Variants in NXPE2 observed in about 807,000 individuals in gnomAD.
The protein encoded by NXPE2 is NXPE family member 2.
NXPE2 carries 34 observed loss-of-function variants against 34.4 expected under a neutral mutation model. The observed-to-expected ratio is 0.99, with a 90% confidence interval of 0.75 to 1.31. The LOEUF (loss-of-function observed/expected upper bound fraction) is 1.31. NXPE2 is among the 40% of genes most tolerant of loss of function. NXPE2 has a pLI of 0.00. For synonymous variants in NXPE2, 235 were observed against 231.3 expected (o/e 1.02, Z -0.15); for missense variants, 649 against 672.5 (o/e 0.97, Z 0.39).
the NXPE2 span, among the ~76,000 whole-genome samples, chr11:114,783,295 C>A: frequency 6.6e-6 from 1 of 152,170 alleles, no homozygotes; most frequent in African/African-American, 2.4e-5. Flanking sequence ...TCAAGAGACA[C>A]CAAGAACATT....
chr11:114,746,146 G>C, the NXPE2 span, among the ~76,000 whole-genome samples: 3 of 152,026 alleles, frequency 2.0e-5, no homozygotes, highest in Admixed American at 6.5e-5. Flanking sequence ...TGTTTGACCA[G>C]AATCTATCTT....
At chr11:114,641,300 TA>T in the NXPE2 span, among the ~76,000 whole-genome samples, 3 of 151,884 alleles carry the variant, frequency 2.0e-5, no homozygotes, top group African/African-American at 7.2e-5. Flanking sequence ...AAAGGTAGTG[TA>T]AAAAATCCAG....
the NXPE2 span, among the ~76,000 whole-genome samples, chr11:114,633,150 A>G: frequency 1.6e-5 from 2 of 123,994 alleles, no homozygotes; most frequent in African/African-American, 6.4e-5. Flanking sequence ...TATTTTATAT[A>G]TTTGGTATTT....
the NXPE2 span, among the ~76,000 whole-genome samples, chr11:114,464,732 A>C: frequency 2.0e-5 from 3 of 152,204 alleles, no homozygotes; most frequent in Non-Finnish European, 2.9e-5. Flanking sequence ...CATTAATATG[A>C]AGAATTTCTT....
chr11:114,791,906 A>C, the NXPE2 span, among the ~76,000 whole-genome samples: 1 of 152,094 alleles, frequency 6.6e-6, no homozygotes, highest in Non-Finnish European at 1.5e-5. Flanking sequence ...AAAATACAAA[A>C]AATTAGCCGG....
the NXPE2 span, among the ~76,000 whole-genome samples, chr11:114,724,408 C>T: frequency 1.3e-5 from 2 of 152,300 alleles, no homozygotes; most frequent in East Asian, 3.9e-4. Flanking sequence ...ATGATATTCA[C>T]TTCTGTCCTA....
chr11:114,791,101 G>A, the NXPE2 span, among the ~76,000 whole-genome samples: 4 of 151,428 alleles, frequency 2.6e-5, no homozygotes, highest in African/African-American at 9.7e-5. Flanking sequence ...GAGTGACAGC[G>A]AAGACACCTC....
At chr11:114,711,566 G>A (rs1448937073), downstream of NXPE2, among the ~76,000 whole-genome samples, 3 of 152,098 alleles carry the variant, frequency 2.0e-5, no homozygotes, top group Non-Finnish European at 4.4e-5. Flanking sequence ...TAATTAAGGA[G>A]ATGAAAGACC....
chr11:114,604,543 C>G, the NXPE2 span, among the ~76,000 whole-genome samples: 1 of 151,934 alleles, frequency 6.6e-6, no homozygotes, highest in Non-Finnish European at 1.5e-5. Context: ...TAAGTATTTC[C>G]TTGTGGATAA....
chr11:114,645,223 C>A, the NXPE2 span, among the ~76,000 whole-genome samples: 1,698 of 152,130 alleles, frequency 0.011, 32 homozygotes, highest in African/African-American at 0.038. Flanking sequence ...ATCACTTGAA[C>A]CCGAGAGGCA....
chr11:114,767,994 A>T, the NXPE2 span, among the ~76,000 whole-genome samples: 1 of 152,136 alleles, frequency 6.6e-6, no homozygotes, highest in African/African-American at 2.4e-5. Flanking sequence ...AAAATGATGG[A>T]GTGGTGAGAA....
chr11:114,551,251 A>T, the NXPE2 span: 1 of 1,366,920 alleles, frequency 7.3e-7, no homozygotes, highest in Non-Finnish European at 1.0e-6. Context: ...TGAGAAGTGA[A>T]TCTCTCTGTA....
At chr11:114,602,664 A>T in the NXPE2 span, among the ~76,000 whole-genome samples, 23 of 142,142 alleles carry the variant, frequency 1.6e-4, no homozygotes, top group Non-Finnish European at 2.4e-4. Flanking sequence ...CATATATAAT[A>T]ATTACAGAAT....
the NXPE2 span, among the ~76,000 whole-genome samples, chr11:114,630,552 C>A: frequency 1.3e-5 from 2 of 151,604 alleles, no homozygotes; most frequent in African/African-American, 4.9e-5. Context: ...AAACGTTAGA[C>A]CTAAAACCAT....
chr11:114,632,044 T>G, the NXPE2 span, among the ~76,000 whole-genome samples: 2 of 144,822 alleles, frequency 1.4e-5, no homozygotes, highest in African/African-American at 5.0e-5. Context: ...ATATAATATA[T>G]AATTTAATAA....
chr11:114,754,725 G>T, the NXPE2 span, among the ~76,000 whole-genome samples: 1 of 152,124 alleles, frequency 6.6e-6, no homozygotes, highest in Non-Finnish European at 1.5e-5. Flanking sequence ...GGGTATAACT[G>T]GTACATATGC....
the NXPE2 span, among the ~76,000 whole-genome samples, chr11:114,634,028 G>T: frequency 6.6e-6 from 1 of 151,774 alleles, no homozygotes; most frequent in African/African-American, 2.4e-5. Context: ...GATCCCTGAG[G>T]ATTCGCCACA....
chr11:114,567,274 C>G, the NXPE2 span, among the ~76,000 whole-genome samples: 4 of 152,104 alleles, frequency 2.6e-5, no homozygotes, highest in African/African-American at 9.7e-5. Flanking sequence ...ATTCCCCATG[C>G]AGGCCCCCTG....
chr11:114,698,575 C>T lies in NXPE2; in HGVS notation c.663C>T (p.Ala221=), dbSNP rs776818725. The T allele has an allele frequency of 2.5e-6, 4 of 1,614,166 alleles. No homozygotes were observed. Among genetic ancestry groups the T allele is most frequent in the Admixed American group, 3.3e-5 (2 of 60,022 alleles). Residue 221 remains alanine, a synonymous_variant, in exon 3 of 6, where the codon GCC becomes GCT. Coordinates refer to ENST00000389586, the MANE Select transcript of NXPE2 (RefSeq NM_182495.6). ...CDRIIFTGLF[A]NRSSNVFTEC... is the part of the protein sequence containing the mutation. ...GGATCATCTTCACTGGCCTGTTTGC[C>T]AACAGAAGCTCCAATGTCTTCACTG...
Sources: gnomAD v4.1 joint callset for allele counts (sites outside exome capture counted in the v4.1 genomes callset) on GRCh38, gnomAD v4.1.1 for gene constraint, MANE v1.5 for transcripts, NCBI Gene and HGNC (gene_info 2026-07-23, HGNC 2026-07-21) for gene names.